The following PDZRN4 variants were observed in gnomAD, a reference collection of about 807,000 sequenced individuals.
PDZRN4 encodes the protein PDZ domain-containing RING finger protein 4.
A neutral mutation model predicts 99.0 loss-of-function variants in PDZRN4; 70 were observed. That is an observed-to-expected ratio of 0.71 (90% CI 0.58 to 0.86). The LOEUF (loss-of-function observed/expected upper bound fraction) is 0.86, where lower values mean the gene tolerates loss of function less well. PDZRN4 is among the 40% of genes least tolerant of loss of function. PDZRN4 has a pLI of 0.00. For synonymous variants in PDZRN4, 551 were observed against 501.6 expected, an observed-to-expected ratio of 1.10 and a Z score of -1.32; for missense variants, 1,474 against 1,331.2, an observed-to-expected ratio of 1.11 and a Z score of -1.67.
chr12:41,226,624 G>A (rs534158301), intron 3 of PDZRN4, among the ~76,000 whole-genome samples: 1 of 152,114 alleles, frequency 6.6e-6, no homozygotes, highest in African/African-American at 2.4e-5. Context: ...AGATCCTCCC[G>A]ATTTTAAATG....
intron 3 of PDZRN4, among the ~76,000 whole-genome samples, chr12:41,505,925 AG>A (rs1196110430): frequency 6.6e-6 from 1 of 152,144 alleles, no homozygotes; most frequent in Admixed American, 6.6e-5. Context: ...TGATGCTGCT[AG>A]TTCACAGACC....
At chr12:41,189,180 G>A in intron 1 of PDZRN4, 77 bp downstream of exon 1, 3 of 1,392,756 alleles carry the variant, frequency 2.2e-6, no homozygotes, top group Non-Finnish European at 2.9e-6. Flanking sequence ...GACGCTTCAG[G>A]ATTCCTTTGG....
At chr12:41,227,876 T>TACACACACAC (rs138441771) in intron 3 of PDZRN4, among the ~76,000 whole-genome samples, 21 of 94,228 alleles carry the variant, frequency 2.2e-4, no homozygotes, top group African/African-American at 6.7e-4. Context: ...AGCAAAAATC[T>TACACACACAC]ACACACACAC....
intron 3 of PDZRN4, among the ~76,000 whole-genome samples, chr12:41,236,105 T>C (rs1951064864): frequency 6.6e-6 from 1 of 152,148 alleles, no homozygotes; most frequent in African/African-American, 2.4e-5. Context: ...AGTGATTGAA[T>C]AGTTTCTAAC....
At chr12:41,232,366 C>T (rs1951034127) in intron 3 of PDZRN4, among the ~76,000 whole-genome samples, 1 of 152,010 alleles carries the variant, frequency 6.6e-6, no homozygotes, top group Non-Finnish European at 1.5e-5. Flanking sequence ...ACTGAATGTG[C>T]AATAAGAAAA....
In PDZRN4 at chr12:41,555,741, A is replaced by T. The variant is rs1939148765; in HGVS notation, c.1346A>T (p.Glu449Val). The change falls in exon 7 of 10, where the codon GAA (glutamate) becomes GTA (valine). Residue 449 changes from glutamate (E) to valine (V), a missense_variant. Physicochemically the swap from Glu to Val is moderately radical, Grantham distance 121. Coordinates refer to ENST00000402685, the MANE Select transcript of PDZRN4 (RefSeq NM_001164595.2). ...SIAAKDGRIR[E>V]GDRILQINGE... Reference sequence around the variant, plus strand: ...GCTGCCAAAGACGGCCGGATTCGAGAAGGGGATCGGATTTTGCAAGTAGGT... The same window carrying T: ...GCTGCCAAAGACGGCCGGATTCGAGTAGGGGATCGGATTTTGCAAGTAGGT... 1 of 1,613,874 alleles carries T rather than the reference A, an allele frequency of 6.2e-7. No individual in the cohort carries two copies. The highest frequency in any genetic ancestry group is 8.5e-7 in the Non-Finnish European group (1 of 1,179,902).
chr12:41,341,179 T>C (rs1441006530), intron 3 of PDZRN4, among the ~76,000 whole-genome samples: 1 of 145,982 alleles, frequency 6.9e-6, no homozygotes, highest in Non-Finnish European at 1.5e-5. Context: ...AAAAAAAAAC[T>C]CTTAAAAAAT....
intron 3 of PDZRN4, among the ~76,000 whole-genome samples, chr12:41,347,621 T>G (rs1319481306): frequency 6.6e-6 from 1 of 151,800 alleles, no homozygotes; most frequent in African/African-American, 2.4e-5. Flanking sequence ...TGATGATATT[T>G]TTAGCTGCAT....
chr12:41,192,666 TTGAATGAATGAA>T (rs975614176), intron 2 of PDZRN4, among the ~76,000 whole-genome samples: 2 of 152,148 alleles, frequency 1.3e-5, no homozygotes, highest in African/African-American at 4.8e-5. Context: ...GAAAATTATA[TTGAATGAATGAA>T]TGAACAGTTG....
intron 3 of PDZRN4, among the ~76,000 whole-genome samples, chr12:41,230,759 T>C (rs1023959994): frequency 2.0e-5 from 3 of 152,144 alleles, no homozygotes; most frequent in Non-Finnish European, 4.4e-5. Flanking sequence ...TCAATTATTT[T>C]AGAAATTTTC....
Position 41,472,003 on chromosome 12 carries a change from C to CTTT in PDZRN4, c.844-34440_844-34438dup, listed in dbSNP as rs71081744. On this transcript the variant is annotated intron_variant, in intron 3 of 9. Coordinates refer to ENST00000402685, the MANE Select transcript of PDZRN4 (RefSeq NM_001164595.2). ...TTAATAACAATATTATTCTATATTACTTTTTTTTTTTTTTTGAGACAGGAG... is the reference window on the plus strand; with the variant it reads ...TTAATAACAATATTATTCTATATTACTTTTTTTTTTTTTTTTTTGAGACAGGAG... Among the ~76,000 whole-genome samples the CTTT allele has an allele frequency of 2.3e-3, 328 of 140,188 alleles. 2 individuals carry two copies. The highest frequency in any genetic ancestry group is 8.1e-3 in the African/African-American group (306 of 37,656). The allele number at this position is 140,188 out of a possible 152,430, so 92.0% of individuals were successfully genotyped here.
chr12:41,533,342 T>G (rs2120745730), intron 5 of PDZRN4, among the ~76,000 whole-genome samples: 1 of 152,080 alleles, frequency 6.6e-6, no homozygotes, highest in Admixed American at 6.5e-5. Flanking sequence ...ACCTGGCTAC[T>G]TTTTGTATTT....
rs1263308340 is a variant in PDZRN4, at chr12:41,276,540, T to G, written c.843+82352T>G. Reference sequence around the variant, plus strand: ...TATATTCATACATCATATTTATACATGTCATATTTCATATGTGTCATAGAT... The same window carrying G: ...TATATTCATACATCATATTTATACAGGTCATATTTCATATGTGTCATAGAT... On this transcript the variant is annotated intron_variant, in intron 3 of 9. Transcript: ENST00000402685. Among the ~76,000 whole-genome samples the G allele has an allele frequency of 2.6e-5, 4 of 152,186 alleles. No individual in the cohort carries two copies. The East Asian group carries it at 7.7e-4, about 29-fold the overall frequency.
chr12:41,442,422 G>A (rs1027467396), intron 3 of PDZRN4, among the ~76,000 whole-genome samples: 1 of 152,026 alleles, frequency 6.6e-6, no homozygotes, highest in Non-Finnish European at 1.5e-5. Flanking sequence ...TGCCTGCCTG[G>A]TATTATAGTC....
intron 5 of PDZRN4, among the ~76,000 whole-genome samples, chr12:41,542,153 GT>G (rs1440736458): frequency 2.6e-5 from 4 of 152,180 alleles, no homozygotes; most frequent in Non-Finnish European, 5.9e-5. Context: ...TCAAAAGAAG[GT>G]TGTTAACACT....
intron 3 of PDZRN4, among the ~76,000 whole-genome samples, chr12:41,304,400 G>C (rs1207247354): frequency 6.6e-6 from 1 of 152,094 alleles, no homozygotes. Context: ...TCAAAGCAAT[G>C]TTTCTCAAAC....
At chr12:41,533,234 G>A (rs1938692377) in intron 5 of PDZRN4, among the ~76,000 whole-genome samples, 1 of 151,672 alleles carries the variant, frequency 6.6e-6, no homozygotes, top group South Asian at 2.1e-4. Context: ...GAGGGCAGTG[G>A]TACGATCTTG....
chr12:41,330,037 A>G (rs1592014739), intron 3 of PDZRN4, among the ~76,000 whole-genome samples: 1 of 152,120 alleles, frequency 6.6e-6, no homozygotes. Context: ...ATGTTTCCTC[A>G]AGAGAAAAGC....
intron 3 of PDZRN4, among the ~76,000 whole-genome samples, chr12:41,393,431 C>T (rs1192518961): frequency 2.0e-5 from 3 of 151,914 alleles, no homozygotes; most frequent in Non-Finnish European, 4.4e-5. Flanking sequence ...GCTGATGCCT[C>T]ACTCATATAT....
Sources: allele counts gnomAD v4.1 joint callset (sites outside exome capture counted in the v4.1 genomes callset), GRCh38; gene constraint gnomAD v4.1.1; transcripts MANE v1.5; gene names NCBI Gene and HGNC (gene_info 2026-07-23, HGNC 2026-07-21).